LTBP2: variants seen among roughly 807,000 people sequenced by gnomAD.
The protein encoded by LTBP2 is latent-transforming growth factor beta-binding protein 2.
A neutral mutation model predicts 210.6 loss-of-function variants in LTBP2; 103 were observed. The ratio of observed to expected loss-of-function variants is 0.49; its 90% confidence interval spans 0.42 to 0.58. The LOEUF (loss-of-function observed/expected upper bound fraction) is 0.58, where lower values mean the gene tolerates loss of function less well. Ranked by LOEUF, LTBP2 falls within the 20% of genes least tolerant of loss-of-function variation. LTBP2 has a pLI of 0.00. For missense variants in LTBP2, 2,313 were observed against 2,494.5 expected (o/e 0.93, Z 1.55); for synonymous variants, 1,007 against 1,015.0 (o/e 0.99, Z 0.15).
At chr14:74,603,748 G>C (rs760862903) in intron 1 of LTBP2, 43 bp from the exon 2 acceptor site, 16 of 1,548,044 alleles carry the variant, frequency 1.0e-5, no homozygotes, top group Middle Eastern at 3.4e-4. Context: ...GATGCTCAGA[G>C]CTGGGGACTA....
intron 9 of LTBP2, 25 bp downstream of exon 9, chr14:74,535,901 C>T (rs774628867): frequency 6.2e-7 from 1 of 1,609,702 alleles, no homozygotes; most frequent in South Asian, 1.1e-5. Flanking sequence ...ATCCTTGAGC[C>T]CAGCCCTGGC....
At position 74,509,236 on chromosome 14, in the gene LTBP2, A is replaced by G. The variant is rs1312821732; in HGVS notation, c.3403+2T>C. The G allele has an allele frequency of 6.2e-7, 1 of 1,613,370 alleles. No individual in the cohort carries two copies. The highest frequency in any genetic ancestry group is 8.5e-7 in the Non-Finnish European group (1 of 1,179,970). On this transcript the variant is annotated splice_donor_variant, in intron 22 of 35. Coordinates refer to ENST00000261978, the MANE Select transcript of LTBP2 (RefSeq NM_000428.3). LOFTEE classifies it high-confidence loss of function. ...TATCCTCTCCCACACAGAGGCTCATACCTTCACAGGAGTCACCCAGGGGGC... is the reference window on the plus strand; with the variant it reads ...TATCCTCTCCCACACAGAGGCTCATGCCTTCACAGGAGTCACCCAGGGGGC...
rs2139718507 is a variant in LTBP2, at chr14:74,528,523, GA to G, written c.2327del (p.Val776AlafsTer55). 2 of 1,612,334 alleles carry G rather than the reference GA, an allele frequency of 1.2e-6. No homozygotes were observed. On this transcript the variant is annotated frameshift_variant, in exon 12 of 36. Coordinates refer to ENST00000261978, the MANE Select transcript of LTBP2 (RefSeq NM_000428.3). LOFTEE classifies it high-confidence loss of function. Reference sequence around the variant, plus strand: ...TCCCGGCCTCAAGCCAGGTGTCCGTGACGACCCGGAGGGGCTGCCTCTCTGC... The same window carrying G: ...TCCCGGCCTCAAGCCAGGTGTCCGTGCGACCCGGAGGGGCTGCCTCTCTGC... ...GPAERQPLRV[V>X]TDTWLEAGTI... is the part of the protein sequence containing the mutation.
chr14:74,512,104 C>T (rs558780338), intron 18 of LTBP2, among the ~76,000 whole-genome samples: 14 of 152,234 alleles, frequency 9.2e-5, no homozygotes, highest in African/African-American at 2.9e-4. Context: ...TAGTTCTCCC[C>T]GGAGCCGAGG....
chr14:74,565,316 A>G lies in LTBP2; in HGVS notation c.831-9623T>C, dbSNP rs145940751. Among the ~76,000 whole-genome samples the G allele has an allele frequency of 2.6e-3, 400 of 152,314 alleles. 3 individuals carry two copies. Among genetic ancestry groups the G allele is most frequent in the African/African-American group, 8.9e-3 (371 of 41,568 alleles). On this transcript the variant is annotated intron_variant, in intron 3 of 35. Transcript: ENST00000261978. ...CTCAAGTCACTCGTGGTCTTCAAGC[A>G]GGCCTAGGACATGTTGGGATGGGCA...
At chr14:74,606,821 G>A (rs1286779316) in intron 1 of LTBP2, among the ~76,000 whole-genome samples, 2 of 150,450 alleles carry the variant, frequency 1.3e-5, no homozygotes, top group East Asian at 3.9e-4. Context: ...ACAGTTTGGC[G>A]ACAGAGCAAG....
At chr14:74,553,581 G>C (rs1319709948) in intron 4 of LTBP2, among the ~76,000 whole-genome samples, 3 of 152,152 alleles carry the variant, frequency 2.0e-5, no homozygotes, top group African/African-American at 4.8e-5. Flanking sequence ...TGGGGGACCT[G>C]ATTACCAGAA....
At chr14:74,553,251 G>C (rs953878351) in intron 4 of LTBP2, among the ~76,000 whole-genome samples, 189 bp from the exon 5 acceptor site, 1 of 152,096 alleles carries the variant, frequency 6.6e-6, no homozygotes, top group Non-Finnish European at 1.5e-5. Context: ...AGATGTGCCA[G>C]CCACCAAGCT....
Position 74,529,015 on chromosome 14 carries a change from TGCA to T in LTBP2, c.2092_2094del (p.Cys698del). The T allele has an allele frequency of 6.2e-7, 1 of 1,602,138 alleles. No homozygotes were observed. Among genetic ancestry groups the T allele is most frequent in the Non-Finnish European group, 8.5e-7 (1 of 1,174,536 alleles). ...CTGCCCCATGCTTTGCCCACGCGGCTGCAGCAGCATATCTGCTTGGTGATCCGC... is the reference window on the plus strand; with the variant it reads ...CTGCCCCATGCTTTGCCCACGCGGCTGCAGCATATCTGCTTGGTGATCCGC... On this transcript the variant is annotated inframe_deletion, in exon 11 of 36. Coordinates refer to ENST00000261978, the MANE Select transcript of LTBP2 (RefSeq NM_000428.3).
At position 74,586,925 on chromosome 14, in the gene LTBP2, T is replaced by C. The variant is rs952386415; in HGVS notation, c.566-807A>G. Among the ~76,000 whole-genome samples, 3 of 152,212 alleles carry C rather than the reference T, an allele frequency of 2.0e-5. No individual in the cohort carries two copies. The highest frequency in any genetic ancestry group is 2.0e-4 in the Admixed American group (3 of 15,292). On this transcript the variant is annotated intron_variant, in intron 2 of 35. Coordinates refer to ENST00000261978, the MANE Select transcript of LTBP2 (RefSeq NM_000428.3). The surrounding 1 kb of genome is among the most constrained non-coding windows in gnomAD (Gnocchi z 4.6). ...TCAGGCTCAGGCTCTCTCTGGATTC[T>C]GCCTCCTGGGCTGTGGGTCCAGCCG...
chr14:74,514,880 G>A (rs1210752402), intron 18 of LTBP2, among the ~76,000 whole-genome samples: 2 of 152,196 alleles, frequency 1.3e-5, no homozygotes, highest in Admixed American at 6.5e-5. Context: ...CTGGAGAAGT[G>A]TGCGGGCTAC....
chr14:74,564,330 TTTA>T (rs2087867936), intron 3 of LTBP2, among the ~76,000 whole-genome samples: 8 of 16,560 alleles, frequency 4.8e-4, no homozygotes, highest in African/African-American at 1.2e-3. Context: ...TATATATATA[TTTA>T]TATATATATA....
chr14:74,540,129 A>C (rs1869539575), intron 8 of LTBP2, among the ~76,000 whole-genome samples: 1 of 152,142 alleles, frequency 6.6e-6, no homozygotes, highest in Non-Finnish European at 1.5e-5. Flanking sequence ...ACAGTCTATA[A>C]GGGGCTAGTT....
chr14:74,500,697 A>C lies in LTBP2; in HGVS notation c.*187T>G. On this transcript the variant is annotated 3_prime_UTR_variant, in exon 36 of 36. Coordinates refer to ENST00000261978, the MANE Select transcript of LTBP2 (RefSeq NM_000428.3). ...GCGATTGGTGGTGCTTGAGCCAAGC[A>C]AGGGCATGGAGGCAATGACCGAAGC... 1 of 730,868 alleles carries C rather than the reference A, an allele frequency of 1.4e-6. No homozygotes were observed. The highest frequency in any genetic ancestry group is 2.1e-5 in the Admixed American group (1 of 47,690). The allele number at this position is 730,868 out of a possible 1,614,324, so 45.3% of individuals were successfully genotyped here.
chr14:74,540,784 T>A (rs1373221461), intron 8 of LTBP2, among the ~76,000 whole-genome samples: 9 of 18,252 alleles, frequency 4.9e-4, no homozygotes, highest in Admixed American at 2.7e-3. Context: ...ATATATATAT[T>A]ATATATATAT....
chr14:74,570,994 T>G (rs917966424), intron 3 of LTBP2, among the ~76,000 whole-genome samples: 1 of 149,260 alleles, frequency 6.7e-6, no homozygotes, highest in Non-Finnish European at 1.5e-5. Flanking sequence ...TTTGAACAAA[T>G]GTACAGAACC....
chr14:74,517,452 C>T (rs1933407625), intron 17 of LTBP2, among the ~76,000 whole-genome samples: 1 of 152,130 alleles, frequency 6.6e-6, no homozygotes, highest in Admixed American at 6.5e-5. Context: ...CTCACTGCAA[C>T]CTCTGCCTCC....
chr14:74,587,573 G>C (rs545072147), intron 2 of LTBP2, among the ~76,000 whole-genome samples: 1 of 151,672 alleles, frequency 6.6e-6, no homozygotes, highest in African/African-American at 2.4e-5. Flanking sequence ...TGGAAGGAAC[G>C]TGGCATACTC....
At chr14:74,531,810 ATT>A (rs1479566566) in intron 10 of LTBP2, among the ~76,000 whole-genome samples, 1 of 152,250 alleles carries the variant, frequency 6.6e-6, no homozygotes, top group Non-Finnish European at 1.5e-5. Context: ...CAGTTCTGCC[ATT>A]GGGGGCTGCT....
Sources: allele counts gnomAD v4.1 joint callset (sites outside exome capture counted in the v4.1 genomes callset), GRCh38; gene constraint gnomAD v4.1.1; non-coding constraint Gnocchi (gnomAD v3.1); transcripts MANE v1.5; gene names NCBI Gene and HGNC (gene_info 2026-07-23, HGNC 2026-07-21).